Variants in AGTPBP1 observed in about 807,000 individuals in gnomAD.
AGTPBP1 encodes the protein ATP/GTP binding carboxypeptidase 1.
In AGTPBP1, 70 loss-of-function variants were observed where a neutral mutation model predicts 143.9. That is an observed-to-expected ratio of 0.49 (90% confidence interval 0.40 to 0.59). The LOEUF (loss-of-function observed/expected upper bound fraction) is 0.59, where lower values mean the gene tolerates loss of function less well. Ranked by LOEUF, AGTPBP1 falls within the 20% of genes least tolerant of loss-of-function variation. AGTPBP1 has a pLI of 0.00. For missense variants in AGTPBP1, 1,229 were observed against 1,464.5 expected (o/e 0.84, Z 2.62); for synonymous variants, 463 against 500.2 (o/e 0.93, Z 0.99).
At chr9:85,574,873 T>C (rs1036341230) in intron 25 of AGTPBP1, among the ~76,000 whole-genome samples, 2 of 152,154 alleles carry the variant, frequency 1.3e-5, no homozygotes, top group African/African-American at 4.8e-5. Flanking sequence ...CATGCCCGGC[T>C]AATTCTTGCA....
At chr9:85,618,947 G>T in intron 17 of AGTPBP1, 36 bp downstream of exon 17, 2 of 1,582,822 alleles carry the variant, frequency 1.3e-6, no homozygotes, top group South Asian at 1.2e-5. Context: ...TAAGATGCCT[G>T]CATGCCATTT....
At chr9:85,790,240 G>A in the AGTPBP1 span, among the ~76,000 whole-genome samples, 1 of 152,186 alleles carries the variant, frequency 6.6e-6, no homozygotes, top group Non-Finnish European at 1.5e-5. Flanking sequence ...TTGAGCTTAT[G>A]TTGGCAGAAG....
chr9:85,761,677 G>T, the AGTPBP1 span, among the ~76,000 whole-genome samples: 577 of 152,264 alleles, frequency 3.8e-3, 1 homozygote, highest in African/African-American at 0.013. Context: ...AACCCTAGAA[G>T]AAAACCTAGG....
intron 7 of AGTPBP1, among the ~76,000 whole-genome samples, chr9:85,672,214 G>A (rs111228540): frequency 1.1e-3 from 164 of 152,056 alleles, no homozygotes; most frequent in Middle Eastern, 3.4e-3. Flanking sequence ...AGGATTAGGC[G>A]CCCACCACCA....
intron 23 of AGTPBP1, among the ~76,000 whole-genome samples, chr9:85,582,735 A>G (rs533102723): frequency 6.6e-6 from 1 of 152,202 alleles, no homozygotes; most frequent in African/African-American, 2.4e-5. Flanking sequence ...TCCCGCAAAA[A>G]CATAAACACT....
the AGTPBP1 span, among the ~76,000 whole-genome samples, chr9:85,794,440 T>A: frequency 2.8e-3 from 422 of 152,308 alleles, 1 homozygote; most frequent in Non-Finnish European, 4.2e-3. Context: ...CATTAAATTG[T>A]CTTCATACAT....
At chr9:85,757,445 C>T in the AGTPBP1 span, among the ~76,000 whole-genome samples, 1 of 151,182 alleles carries the variant, frequency 6.6e-6, no homozygotes, top group African/African-American at 2.4e-5. Flanking sequence ...TTTGAAAAGC[C>T]ATAAAAGGGA....
chr9:85,633,431 A>C lies in AGTPBP1; in HGVS notation c.1303-57T>G, dbSNP rs919312975. 13 of 1,300,732 alleles carry C rather than the reference A, an allele frequency of 1.0e-5. No individual in the cohort carries two copies. In the African/African-American group the frequency reaches 1.8e-4, roughly 18 times the overall value. The allele number at this position is 1,300,732 out of a possible 1,614,324, so 80.6% of individuals were successfully genotyped here. ...ACTGTAAATATTAAAACATATTAAC[A>C]AAACTAATACATTCATGTTATATAT... On this transcript the variant is annotated intron_variant, in intron 13 of 25. Coordinates refer to ENST00000357081, the MANE Select transcript of AGTPBP1 (RefSeq NM_001330701.2).
rs1830916764 is a variant in AGTPBP1 at position 85,621,262 on chromosome 9, T to G, written c.2039A>C (p.Glu680Ala). 1.4e-6 allele frequency: 2 copies of G among 1,447,332 alleles called. No homozygotes were observed. The highest frequency in any genetic ancestry group is 2.6e-5 in the Admixed American group (1 of 38,306). The allele number at this position is 1,447,332 out of a possible 1,614,324, so 89.7% of individuals were successfully genotyped here. A position where few individuals can be genotyped will look rare whatever the true frequency, so the allele number is the denominator to read the frequency against. The stretch of plus-strand genomic sequence containing the variant: ...GATATCACTCTGATGTATTAGCCTT[T>G]CAATATCTTGAGCAATTTTTGTCCT... ...VQRTKIAQDI[E>A]RLIHQSDIID... The change falls in exon 15 of 26, where the codon GAA (glutamate) becomes GCA (alanine). Residue 680 changes from glutamate to alanine, a missense_variant. Glu to Ala is a moderately radical substitution (Grantham distance 107, BLOSUM62 -1). This residue lies in a region of AGTPBP1 where 743 missense variants were observed against 812.2 expected (regional missense o/e 0.91). Transcript: ENST00000357081.
chr9:85,641,613 C>T (rs906960954), intron 13 of AGTPBP1, among the ~76,000 whole-genome samples: 23 of 152,188 alleles, frequency 1.5e-4, no homozygotes, highest in African/African-American at 5.3e-4. Context: ...ACAGTTGTTG[C>T]ATCTTTTATG....
chr9:85,779,685 C>T, the AGTPBP1 span, among the ~76,000 whole-genome samples: 4 of 152,074 alleles, frequency 2.6e-5, no homozygotes, highest in African/African-American at 9.7e-5. Context: ...AACCATCACA[C>T]CATCTCTACC....
At chr9:85,799,530 AT>A in the AGTPBP1 span, among the ~76,000 whole-genome samples, 1 of 152,102 alleles carries the variant, frequency 6.6e-6, no homozygotes, top group African/African-American at 2.4e-5. Flanking sequence ...AATTTGTATT[AT>A]TTTTAGAGAG....
chr9:85,795,668 G>A, the AGTPBP1 span, among the ~76,000 whole-genome samples: 1 of 151,988 alleles, frequency 6.6e-6, no homozygotes, highest in African/African-American at 2.4e-5. Context: ...ATGGAGGAAG[G>A]GCACCTAACT....
chr9:85,728,497 T>C (rs984493285), intron 1 of AGTPBP1, among the ~76,000 whole-genome samples: 1 of 152,232 alleles, frequency 6.6e-6, no homozygotes, highest in African/African-American at 2.4e-5. Flanking sequence ...AATGAACATT[T>C]AGCTGCAAGT....
At chr9:85,595,019 A>ATTATATTTTCTT (rs1829206575) in intron 18 of AGTPBP1, among the ~76,000 whole-genome samples, 1 of 152,262 alleles carries the variant, frequency 6.6e-6, no homozygotes, top group Non-Finnish European at 1.5e-5. Flanking sequence ...CTATTTTTAT[A>ATTATATTTTCTT]TTAGTCTACC....
At chr9:85,710,682 A>G (rs1240849839) in intron 2 of AGTPBP1, among the ~76,000 whole-genome samples, 1 of 151,498 alleles carries the variant, frequency 6.6e-6, no homozygotes, top group Non-Finnish European at 1.5e-5. Flanking sequence ...ACCCTACAAC[A>G]ACAACAACAA....
the AGTPBP1 span, among the ~76,000 whole-genome samples, chr9:85,778,742 G>A: frequency 6.6e-6 from 1 of 152,156 alleles, no homozygotes; most frequent in African/African-American, 2.4e-5. Flanking sequence ...TATCTCGACA[G>A]GCCCCACACC....
the AGTPBP1 span, chr9:85,785,720 T>C: frequency 1.2e-5 from 2 of 172,260 alleles, no homozygotes; most frequent in African/African-American, 4.8e-5. Flanking sequence ...GCAGAGCCAA[T>C]ATTATCCAGT....
intron 25 of AGTPBP1, among the ~76,000 whole-genome samples, chr9:85,556,242 C>T (rs1457982753): frequency 6.6e-6 from 1 of 151,944 alleles, no homozygotes; most frequent in Non-Finnish European, 1.5e-5. Flanking sequence ...TCTGAAGATC[C>T]TAGCATTGTC....
Sources: gnomAD v4.1 joint callset for allele counts (sites outside exome capture counted in the v4.1 genomes callset) on GRCh38, gnomAD v4.1.1 for gene constraint, gnomAD v4.1.1 regional missense constraint, MANE v1.5 for transcripts, NCBI Gene and HGNC (gene_info 2026-07-23, HGNC 2026-07-21) for gene names.